STXBP5L: variants seen among roughly 807,000 people sequenced by gnomAD.
The protein encoded by STXBP5L is syntaxin-binding protein 5-like.
Under a neutral mutation model 144.5 loss-of-function variants are expected in STXBP5L, and 65 were observed. The ratio of observed to expected loss-of-function variants is 0.45; its 90% CI spans 0.37 to 0.55. STXBP5L has a LOEUF of 0.55. Among genes scored for constraint, STXBP5L ranks in the 20% least tolerant of loss-of-function variants. The pLI, the probability that STXBP5L is intolerant of heterozygous loss-of-function variation, is 0.00. For missense variants in STXBP5L, 1,298 were observed against 1,405.5 expected, an observed-to-expected ratio of 0.92 and a Z score of 1.22; for synonymous variants, 505 against 469.6, an observed-to-expected ratio of 1.08 and a Z score of -0.97.
intron 6 of STXBP5L, 60 bp downstream of exon 6, chr3:121,115,119 T>C (rs1300442142): frequency 3.3e-6 from 5 of 1,493,080 alleles, no homozygotes; most frequent in Non-Finnish European, 2.7e-6. Flanking sequence ...TTATGTAACA[T>C]GTAGGTCAAA....
chr3:121,033,530 C>A (rs553086339), intron 3 of STXBP5L, among the ~76,000 whole-genome samples: 1 of 142,038 alleles, frequency 7.0e-6, no homozygotes, highest in Admixed American at 7.1e-5. Flanking sequence ...ATGTAACTAA[C>A]CTGCACAATG....
At chr3:121,008,088 C>T (rs1576646031) in intron 3 of STXBP5L, among the ~76,000 whole-genome samples, 1 of 151,870 alleles carries the variant, frequency 6.6e-6, no homozygotes, top group Non-Finnish European at 1.5e-5. Context: ...AGGTTTCTTT[C>T]CTACTGGGTT....
intron 5 of STXBP5L, among the ~76,000 whole-genome samples, chr3:121,073,075 C>A (rs1227107843): frequency 6.6e-6 from 1 of 152,228 alleles, no homozygotes; most frequent in East Asian, 1.9e-4. Flanking sequence ...CCGTCTGACA[C>A]CTTCAGATAT....
chr3:121,304,390 A>T (rs2043264568), intron 19 of STXBP5L, among the ~76,000 whole-genome samples: 1 of 152,184 alleles, frequency 6.6e-6, no homozygotes, highest in Admixed American at 6.5e-5. Flanking sequence ...ATCTAATAAC[A>T]TACACACCTA....
chr3:121,222,420 G>A (rs1409688225), intron 10 of STXBP5L, among the ~76,000 whole-genome samples: 1 of 152,020 alleles, frequency 6.6e-6, no homozygotes, highest in Non-Finnish European at 1.5e-5. Flanking sequence ...AATAGAAAAG[G>A]CAATTTATCT....
chr3:121,266,427 C>G (rs966472457), intron 18 of STXBP5L, among the ~76,000 whole-genome samples: 2 of 152,164 alleles, frequency 1.3e-5, no homozygotes, highest in South Asian at 2.1e-4. Flanking sequence ...ATTCAACAGC[C>G]CTTCAGGCTA....
At chr3:121,321,530 T>A (rs1312391087) in intron 20 of STXBP5L, among the ~76,000 whole-genome samples, 1 of 152,238 alleles carries the variant, frequency 6.6e-6, no homozygotes, top group African/African-American at 2.4e-5. Context: ...AATCTCTTGC[T>A]GTTGTAGGAA....
At chr3:121,389,231 G>A (rs918311560) in intron 22 of STXBP5L, among the ~76,000 whole-genome samples, 2 of 152,140 alleles carry the variant, frequency 1.3e-5, no homozygotes, top group African/African-American at 2.4e-5. Context: ...GGGATGAGTG[G>A]TGATATCCCT....
intron 9 of STXBP5L, among the ~76,000 whole-genome samples, chr3:121,169,984 A>G (rs1577105328): frequency 6.6e-6 from 1 of 152,228 alleles, no homozygotes; most frequent in Non-Finnish European, 1.5e-5. Context: ...AACAGATATC[A>G]TAACAAACAG....
At chr3:121,042,755 G>A (rs1383411926) in intron 4 of STXBP5L, among the ~76,000 whole-genome samples, 1 of 152,028 alleles carries the variant, frequency 6.6e-6, no homozygotes, top group Non-Finnish European at 1.5e-5. Flanking sequence ...TTGGCTCAAA[G>A]TCTTTCTCAG....
chr3:121,318,685 A>G (rs902492760), intron 20 of STXBP5L, 145 bp downstream of exon 20: 15 of 478,458 alleles, frequency 3.1e-5, no homozygotes, highest in Admixed American at 1.8e-4. Context: ...AGCAAATTTG[A>G]TTCCAAATAT....
In STXBP5L at chr3:121,223,038, A is replaced by G. The variant is rs1460714161; in HGVS notation, c.992A>G (p.Tyr331Cys). Reference sequence around the variant, plus strand: ...ATAATATTCTCTGGTGGGCTGTCCTATGACAAAGCTTGTAGAAGACCAAGT... The same window carrying G: ...ATAATATTCTCTGGTGGGCTGTCCTGTGACAAAGCTTGTAGAAGACCAAGT... ...PFIIFSGGLS[Y>C]DKACRRPSLT... The change falls in exon 11 of 27, where the codon TAT (tyrosine) becomes TGT (cysteine). Residue 331 changes from tyrosine to cysteine, a missense_variant. Coordinates refer to ENST00000471454, the MANE Select transcript of STXBP5L (RefSeq NM_001308330.2). 2 of 1,612,218 alleles carry G rather than the reference A, an allele frequency of 1.2e-6. No individual in the cohort carries two copies. The highest frequency in any genetic ancestry group is 8.5e-7 in the Non-Finnish European group (1 of 1,179,286).
At chr3:121,324,591 G>C in intron 20 of STXBP5L, 1 of 677,348 alleles carries the variant, frequency 1.5e-6, no homozygotes, top group Non-Finnish European at 2.6e-6. Flanking sequence ...GCCAGGTGAA[G>C]ATGAAAATCT....
intron 5 of STXBP5L, among the ~76,000 whole-genome samples, chr3:121,103,126 G>A (rs1305730920): frequency 2.0e-5 from 3 of 152,138 alleles, no homozygotes; most frequent in Non-Finnish European, 4.4e-5. Flanking sequence ...TTCACCTACT[G>A]TGGAAAGCAG....
intron 3 of STXBP5L, among the ~76,000 whole-genome samples, chr3:120,990,360 A>T (rs1359149953): frequency 6.6e-6 from 1 of 152,232 alleles, no homozygotes; most frequent in African/African-American, 2.4e-5. Context: ...AAGAATCAAT[A>T]TCGTGAAAAT....
intron 12 of STXBP5L, among the ~76,000 whole-genome samples, chr3:121,237,619 T>G (rs2049524063): frequency 1.3e-5 from 2 of 152,250 alleles, no homozygotes; most frequent in South Asian, 2.1e-4. Flanking sequence ...ATGGCCAGGC[T>G]GCAAATTTTT....
chr3:121,257,481 A>G (rs1235070024), intron 17 of STXBP5L, 148 bp downstream of exon 17: 3 of 633,108 alleles, frequency 4.7e-6, no homozygotes, highest in African/African-American at 1.8e-5. Flanking sequence ...CTTTTCTTTG[A>G]ACATCTGTGA....
In STXBP5L at chr3:121,343,986, G is replaced by T. The variant is rs148799948; in HGVS notation, c.2176+25446G>T. On this transcript the variant is annotated intron_variant, in intron 20 of 26. Coordinates refer to ENST00000471454, the MANE Select transcript of STXBP5L (RefSeq NM_001308330.2). ...ACAAAGCTGGAGGCATCAAGCTACC[G>T]GACTTCTAACTATACTACAAAGCTA... Among the ~76,000 whole-genome samples, 27 of 151,936 alleles carry T rather than the reference G, an allele frequency of 1.8e-4. No homozygotes were observed. The East Asian group carries it at 2.7e-3, about 15-fold the overall frequency.
intron 3 of STXBP5L, among the ~76,000 whole-genome samples, chr3:121,036,825 A>C (rs957685934): frequency 1.7e-5 from 2 of 118,110 alleles, no homozygotes; most frequent in African/African-American, 7.4e-5. Context: ...ACATGTGCAC[A>C]TTGTGCAGGT....
Sources: gnomAD v4.1 joint callset for allele counts (sites outside exome capture counted in the v4.1 genomes callset) on GRCh38, gnomAD v4.1.1 for gene constraint, MANE v1.5 for transcripts, NCBI Gene and HGNC (gene_info 2026-07-23, HGNC 2026-07-21) for gene names.